VWA2: variants seen among roughly 807,000 people sequenced by gnomAD.
VWA2 encodes von Willebrand factor A domain containing 2.
A neutral mutation model predicts 70.4 loss-of-function variants in VWA2; 73 were observed. The ratio of observed to expected loss-of-function variants is 1.04; its 90% CI spans 0.86 to 1.26. The LOEUF is 1.26. Ranked by LOEUF, VWA2 falls within the 50% of genes most tolerant of loss-of-function variation. The probability of loss-of-function intolerance (pLI) is 0.00; values close to 1 mark genes in which losing one functional copy is unlikely to be tolerated. For synonymous variants in VWA2, 407 were observed against 423.3 expected (o/e 0.96, Z 0.47); for missense variants, 1,011 against 998.5 (o/e 1.01, Z -0.17).
rs2039608605 is a variant in VWA2 at position 114,291,623 on chromosome 10, A to G, written c.*386A>G. On this transcript the variant is annotated 3_prime_UTR_variant, in exon 14 of 14. Transcript: ENST00000392982. ...CCTGACGTTCCTTTGCACACAATCAATGCTCGCCAGAATGTTGTTGACACA... is the reference window on the plus strand; with the variant it reads ...CCTGACGTTCCTTTGCACACAATCAGTGCTCGCCAGAATGTTGTTGACACA... 5.0e-6 allele frequency: 1 copy of G among 199,532 alleles called. No homozygotes were observed. Among genetic ancestry groups the G allele is most frequent in the African/African-American group, 2.4e-5 (1 of 42,540 alleles). 12.4% of individuals were successfully genotyped at this position (199,532 alleles called of 1,614,324 possible).
At chr10:114,282,451 C>A in intron 8 of VWA2, 65 bp from the exon 9 acceptor site, 2 of 1,291,404 alleles carry the variant, frequency 1.5e-6, no homozygotes, top group Non-Finnish European at 2.3e-6. Flanking sequence ...TGTAAATCAT[C>A]TTCTGTTTTC....
rs906073082 is a variant in VWA2 at position 114,273,675 on chromosome 10, G to A, written c.566+741G>A. On this transcript the variant is annotated intron_variant, in intron 6 of 13. Coordinates refer to ENST00000392982, the MANE Select transcript of VWA2 (RefSeq NM_001272046.2). ...TGACTCTGGTCTGGGCACTGTGTTT[G>A]CACACAGAAATCTCTTCATTAATTT... is the stretch of plus-strand genomic sequence containing the variant. Among the ~76,000 whole-genome samples the A allele has an allele frequency of 5.1e-4, 78 of 152,292 alleles. 1 individual carries two copies. Among genetic ancestry groups the A allele is most frequent in the Admixed American group, 5.0e-3 (77 of 15,304 alleles).
chr10:114,285,566 G>A (rs1413879428), intron 10 of VWA2, among the ~76,000 whole-genome samples: 4 of 152,196 alleles, frequency 2.6e-5, no homozygotes, highest in African/African-American at 9.6e-5. Flanking sequence ...ATTCTAGCGT[G>A]GCTATAGACC....
intron 11 of VWA2, among the ~76,000 whole-genome samples, chr10:114,287,096 T>C (rs1012392790): frequency 2.0e-5 from 3 of 152,244 alleles, no homozygotes; most frequent in African/African-American, 7.2e-5. Flanking sequence ...AGCTGATTTT[T>C]TATGACCCCT....
intron 1 of VWA2, chr10:114,246,645 C>G: frequency 6.5e-7 from 1 of 1,545,824 alleles, no homozygotes. Flanking sequence ...TACTTGAACA[C>G]CCCTGGATCA....
chr10:114,262,820 A>G (rs1017097446), intron 5 of VWA2, among the ~76,000 whole-genome samples: 3 of 152,174 alleles, frequency 2.0e-5, no homozygotes, highest in African/African-American at 7.2e-5. Context: ...GAGCTCATTA[A>G]TATGTGTTTA....
At chr10:114,248,816 G>T (rs376888136) in intron 2 of VWA2, 51 bp downstream of exon 2, 1 of 1,544,964 alleles carries the variant, frequency 6.5e-7, no homozygotes, top group Non-Finnish European at 8.9e-7. Context: ...TGAGTAGGGG[G>T]GTTGCTTGCT....
chr10:114,284,125 A>C (rs1325748927), intron 9 of VWA2, among the ~76,000 whole-genome samples: 5 of 152,230 alleles, frequency 3.3e-5, no homozygotes, highest in Non-Finnish European at 7.3e-5. Flanking sequence ...GACCACAGGG[A>C]ATCATAGATC....
At chr10:114,242,578 C>T (rs1391800763) in intron 1 of VWA2, among the ~76,000 whole-genome samples, 1 of 151,946 alleles carries the variant, frequency 6.6e-6, no homozygotes, top group South Asian at 2.1e-4. Flanking sequence ...GTACTGGTGC[C>T]TCTGTGTACC....
Position 114,292,126 on chromosome 10 carries a change from A to G in VWA2, c.*889A>G, listed in dbSNP as rs2039658664. 6.6e-6 allele frequency among the ~76,000 whole-genome samples: 1 copy of G among 152,112 alleles called. No homozygotes were observed. Among genetic ancestry groups the G allele is most frequent in the Admixed American group, 6.6e-5 (1 of 15,260 alleles). On this transcript the variant is annotated 3_prime_UTR_variant, in exon 14 of 14. Transcript: ENST00000392982. ...AGTTTGTCTTTACTAAAAATACAAA[A>G]GGTAGCCGGGGGTGGTGGTGGATGC...
rs772996720 is a variant in VWA2, at chr10:114,286,157, C to G, written c.1216C>G (p.Leu406Val). The stretch of plus-strand genomic sequence containing the variant: ...GGGGGAGTACCAGGATGTGCCTGAC[C>G]TGGTCTGGAGCCTCGATGGCATTCC... ...PVGEYQDVPDLVWSLDGIPFR... is the reference protein window; with the variant it reads ...PVGEYQDVPDVVWSLDGIPFR... Residue 406 changes from leucine to valine, a missense_variant, in exon 11 of 14, where the codon CTG becomes GTG. Physicochemically the swap from Leu to Val is conservative, Grantham distance 32 (BLOSUM62 1). Transcript: ENST00000392982. 6.2e-7 allele frequency: 1 copy of G among 1,614,108 alleles called. No individual in the cohort carries two copies. Among genetic ancestry groups the G allele is most frequent in the Admixed American group, 1.7e-5 (1 of 60,030 alleles).
At chr10:114,243,044 G>T (rs2037001869) in intron 1 of VWA2, among the ~76,000 whole-genome samples, 1 of 152,202 alleles carries the variant, frequency 6.6e-6, no homozygotes, top group Non-Finnish European at 1.5e-5. Context: ...TCCTGTGTGT[G>T]TTCTCCCACA....
chr10:114,282,086 C>T (rs544462423), intron 8 of VWA2, among the ~76,000 whole-genome samples: 314 of 138,688 alleles, frequency 2.3e-3, no homozygotes, highest in Middle Eastern at 0.013. Flanking sequence ...CTCGGCTCAC[C>T]GCAACCTCTG....
rs568256635 is a variant in VWA2 at position 114,266,434 on chromosome 10, A to C, written c.371+5139A>C. On this transcript the variant is annotated intron_variant, in intron 5 of 13. Transcript: ENST00000392982. Reference sequence around the variant, plus strand: ...TGGGGTATCCATCCCCTCGAGTGACAGTGAAATGTTAGATGCTTGACTGAT... The same window carrying C: ...TGGGGTATCCATCCCCTCGAGTGACCGTGAAATGTTAGATGCTTGACTGAT... 5.9e-5 allele frequency among the ~76,000 whole-genome samples: 9 copies of C among 152,298 alleles called. No homozygotes were observed. The East Asian group carries it at 1.5e-3, about 26-fold the overall frequency.
At position 114,293,580 on chromosome 10, in the gene VWA2, C is replaced by T. The variant is rs948017254; in HGVS notation, c.*2343C>T. On this transcript the variant is annotated 3_prime_UTR_variant, in exon 14 of 14. Coordinates refer to ENST00000392982, the MANE Select transcript of VWA2 (RefSeq NM_001272046.2). ...TATCCTATGGCCTAACTAGCCAAGC[C>T]TTTTTTCTTTCATTTAAAAGAAATT... is the stretch of plus-strand genomic sequence containing the variant. 2.6e-5 allele frequency among the ~76,000 whole-genome samples: 4 copies of T among 152,160 alleles called. No homozygotes were observed. Among genetic ancestry groups the T allele is most frequent in the Non-Finnish European group, 5.9e-5 (4 of 68,028 alleles).
chr10:114,279,293 G>A (rs1209052164), intron 8 of VWA2, among the ~76,000 whole-genome samples: 1 of 152,128 alleles, frequency 6.6e-6, no homozygotes, highest in Non-Finnish European at 1.5e-5. Context: ...TTGGAGCCCA[G>A]GCACCCAAGA....
intron 5 of VWA2, among the ~76,000 whole-genome samples, chr10:114,263,057 C>T (rs1589751703): frequency 6.6e-6 from 1 of 152,194 alleles, no homozygotes; most frequent in East Asian, 1.9e-4. Context: ...ACTGTGTTGC[C>T]TAGGCTGGAG....
intron 2 of VWA2, among the ~76,000 whole-genome samples, chr10:114,249,717 A>G (rs961133348): frequency 1.3e-4 from 20 of 152,206 alleles, no homozygotes; most frequent in African/African-American, 4.6e-4. Context: ...TATGTACCAC[A>G]TGTTCTCTAT....
Position 114,261,275 on chromosome 10 carries a change from A to G in VWA2, c.351A>G (p.Arg117=), listed in dbSNP as rs775278242. 54 of 1,613,966 alleles carry G rather than the reference A, an allele frequency of 3.3e-5. No homozygotes were observed. The highest frequency in any genetic ancestry group is 4.6e-5 in the Non-Finnish European group (54 of 1,179,954). Residue 117 remains arginine (R), a synonymous_variant, in exon 5 of 14, where the codon AGA becomes AGG. Coordinates refer to ENST00000392982, the MANE Select transcript of VWA2 (RefSeq NM_001272046.2). ...CAACCCAACAGGAAGTGAAGGCAAG[A>G]ATCAAGAGGATGGTTTTCAAGTATG... ...SFSTQQEVKA[R]IKRMVFKGGR...
Sources: gnomAD v4.1 joint callset for allele counts (sites outside exome capture counted in the v4.1 genomes callset) on GRCh38, gnomAD v4.1.1 for gene constraint, MANE v1.5 for transcripts, NCBI Gene and HGNC (gene_info 2026-07-23, HGNC 2026-07-21) for gene names.